Variants in ADAMTS18 observed in about 807,000 individuals in gnomAD.
ADAMTS18 encodes the protein ADAM metallopeptidase with thrombospondin type 1 motif 18.
Under a neutral mutation model 165.9 loss-of-function variants are expected in ADAMTS18, and 157 were observed. That is an observed-to-expected ratio of 0.95 (90% CI 0.83 to 1.08). ADAMTS18 has a LOEUF of 1.08. ADAMTS18 is among the 50% of genes least tolerant of loss of function. The pLI, the probability that ADAMTS18 is intolerant of heterozygous loss-of-function variation, is 0.00. For synonymous variants in ADAMTS18, 782 were observed against 578.2 expected, an observed-to-expected ratio of 1.35 and a Z score of -5.06; for missense variants, 2,040 against 1,534.0, an observed-to-expected ratio of 1.33 and a Z score of -5.51.
At chr16:77,376,136 C>A (rs1459924699) in intron 3 of ADAMTS18, among the ~76,000 whole-genome samples, 1 of 152,062 alleles carries the variant, frequency 6.6e-6, no homozygotes, top group Admixed American at 6.5e-5. Context: ...CTCCCGATCT[C>A]AGGTGATCCA....
At position 77,435,004 on chromosome 16, in the gene ADAMTS18, T is replaced by A; in HGVS notation, c.-309A>T. On this transcript the variant is annotated 5_prime_UTR_variant, in exon 1 of 23. Coordinates refer to ENST00000282849, the MANE Select transcript of ADAMTS18 (RefSeq NM_199355.4). ...GACTGTCGGTGTCTGCCCGCCCGTC[T>A]GTGCGTCTGTCTGTGTCGGTGTGAG... 1 of 245,814 alleles carries A rather than the reference T, an allele frequency of 4.1e-6. No homozygotes were observed. Among genetic ancestry groups the A allele is most frequent in the Non-Finnish European group, 7.7e-6 (1 of 129,312 alleles). The allele number at this position is 245,814 out of a possible 1,614,324, so 15.2% of individuals were successfully genotyped here.
chr16:77,401,587 G>A (rs893985799), intron 3 of ADAMTS18, among the ~76,000 whole-genome samples: 1 of 152,214 alleles, frequency 6.6e-6, no homozygotes, highest in Non-Finnish European at 1.5e-5. Flanking sequence ...CAAGTTCTGT[G>A]TGAAGATGAA....
At chr16:77,363,098 G>A (rs1436422048) in intron 6 of ADAMTS18, among the ~76,000 whole-genome samples, 1 of 152,088 alleles carries the variant, frequency 6.6e-6, no homozygotes, top group African/African-American at 2.4e-5. Flanking sequence ...AGCCTCGGGG[G>A]ACTTAAAAAA....
intron 19 of ADAMTS18, 125 bp from the exon 20 acceptor site, chr16:77,293,383 T>C (rs1402992501): frequency 3.6e-6 from 3 of 836,228 alleles, no homozygotes; most frequent in Non-Finnish European, 5.8e-6. Context: ...CTAAAGCTCT[T>C]TTTACGAGAT....
chr16:77,382,161 C>A (rs1172762070), intron 3 of ADAMTS18, among the ~76,000 whole-genome samples: 1 of 152,158 alleles, frequency 6.6e-6, no homozygotes, highest in East Asian at 1.9e-4. Context: ...TCTTCCCAGC[C>A]CCTGAGATAG....
chr16:77,320,154 G>A, intron 15 of ADAMTS18, 61 bp from the exon 16 acceptor site: 1 of 1,598,330 alleles, frequency 6.3e-7, no homozygotes, highest in Non-Finnish European at 8.6e-7. Flanking sequence ...AAAGGGACTA[G>A]AAATGGCCCG....
At chr16:77,322,880 T>A (rs890941298) in intron 13 of ADAMTS18, among the ~76,000 whole-genome samples, 2 of 152,142 alleles carry the variant, frequency 1.3e-5, no homozygotes, top group Non-Finnish European at 2.9e-5. Flanking sequence ...CAGCAGCCCA[T>A]AGTTTGATGA....
chr16:77,365,356 T>C (rs536047560), intron 4 of ADAMTS18, among the ~76,000 whole-genome samples: 3 of 152,334 alleles, frequency 2.0e-5, no homozygotes, highest in East Asian at 1.9e-4. Context: ...TACCACTTTA[T>C]ACATTATTTT....
At chr16:77,364,126 A>G in intron 5 of ADAMTS18, 62 bp downstream of exon 5, 1 of 1,595,102 alleles carries the variant, frequency 6.3e-7, no homozygotes, top group East Asian at 2.2e-5. Flanking sequence ...AACCCATGCA[A>G]GAGAATTCCA....
chr16:77,364,259 C>T lies in ADAMTS18; in HGVS notation c.901G>A (p.Ala301Thr). 6.2e-7 allele frequency: 1 copy of T among 1,613,990 alleles called. No homozygotes were observed. The highest frequency in any genetic ancestry group is 8.5e-7 in the Non-Finnish European group (1 of 1,180,006). ...TGCTTTTCCACCATTTTCTTGTCTG[C>T]CACCACGAGGGTTTCCACATTGAGG... ...KGLNVETLVV[A>T]DKKMVEKHGK... is the part of the protein sequence containing the mutation. Residue 301 changes from alanine (A) to threonine (T), a missense_variant, in exon 5 of 23, where the codon GCA becomes ACA. Transcript: ENST00000282849.
intron 16 of ADAMTS18, among the ~76,000 whole-genome samples, chr16:77,314,472 C>T (rs1235679813): frequency 6.6e-6 from 1 of 150,790 alleles, no homozygotes; most frequent in Non-Finnish European, 1.5e-5. Flanking sequence ...ATTAGCTGGG[C>T]ATGGTAGTGC....
intron 12 of ADAMTS18, among the ~76,000 whole-genome samples, chr16:77,329,163 TG>T (rs1314855979): frequency 6.6e-6 from 1 of 152,048 alleles, no homozygotes; most frequent in Non-Finnish European, 1.5e-5. Context: ...TGGAGTGAAC[TG>T]GCACAATCAT....
intron 3 of ADAMTS18, among the ~76,000 whole-genome samples, chr16:77,419,272 T>G (rs35026035): frequency 0.18 from 27,531 of 152,090 alleles, 2,804 homozygotes; most frequent in Non-Finnish European, 0.24. Context: ...TTTTGGAGGC[T>G]CCAAGAAAGA....
At chr16:77,350,933 GA>G (rs1034951365) in intron 10 of ADAMTS18, among the ~76,000 whole-genome samples, 11 of 147,910 alleles carry the variant, frequency 7.4e-5, no homozygotes, top group South Asian at 2.1e-4. Context: ...AGGCATGGAG[GA>G]AAAAAAAAAG....
chr16:77,341,427 A>T (rs151285671), intron 11 of ADAMTS18, among the ~76,000 whole-genome samples: 1 of 152,272 alleles, frequency 6.6e-6, no homozygotes, highest in Non-Finnish European at 1.5e-5. Flanking sequence ...GTATGCAATG[A>T]AACCTGTAAG....
intron 10 of ADAMTS18, among the ~76,000 whole-genome samples, chr16:77,342,093 T>G (rs1290315115): frequency 1.3e-5 from 2 of 152,150 alleles, no homozygotes; most frequent in Non-Finnish European, 2.9e-5. Flanking sequence ...TTTCTCATGA[T>G]AGTGATGATG....
chr16:77,293,199 G>C lies in ADAMTS18; in HGVS notation c.3066C>G (p.Ala1022=). The C allele has an allele frequency of 6.2e-7, 1 of 1,613,808 alleles. No homozygotes were observed. The highest frequency in any genetic ancestry group is 8.5e-7 in the Non-Finnish European group (1 of 1,179,940). ...ACTGGCTCTCGGGGAGGGTTTCTGC[G>C]GCAGAGCCCTTGCAGAGGAGTTCAC... ...RKRELLCKGS[A]AETLPESQCT... Residue 1022 remains alanine, a synonymous_variant, in exon 20 of 23, where the codon GCC becomes GCG. Transcript: ENST00000282849.
At chr16:77,361,347 T>C (rs374072852) in intron 7 of ADAMTS18, among the ~76,000 whole-genome samples, 15 of 152,286 alleles carry the variant, frequency 9.8e-5, no homozygotes, top group East Asian at 9.7e-4. Flanking sequence ...GAATATAGTA[T>C]AGATATAAAA....
At chr16:77,290,169 C>G (rs2055335058) in intron 21 of ADAMTS18, among the ~76,000 whole-genome samples, 2 of 152,138 alleles carry the variant, frequency 1.3e-5, no homozygotes, top group Admixed American at 1.3e-4. Context: ...ATCAAATTAT[C>G]TAAACTAGGA....
Sources: allele counts gnomAD v4.1 joint callset (sites outside exome capture counted in the v4.1 genomes callset), GRCh38; gene constraint gnomAD v4.1.1; transcripts MANE v1.5; gene names NCBI Gene and HGNC (gene_info 2026-07-23, HGNC 2026-07-21).